The following PHOX2B variants were observed in gnomAD, a reference collection of about 807,000 sequenced individuals.
PHOX2B encodes the protein paired mesoderm homeobox protein 2B.
PHOX2B carries 1 observed loss-of-function variant against 15.5 expected under a neutral mutation model. The observed-to-expected ratio is 0.06, with a 90% CI of 0.02 to 0.31. The LOEUF (loss-of-function observed/expected upper bound fraction) is 0.31, where lower values mean the gene tolerates loss of function less well. PHOX2B is among the 10% of genes least tolerant of loss of function. The pLI is 1.00. For missense variants in PHOX2B, 314 were observed against 436.4 expected (o/e 0.72, Z 2.50); for synonymous variants, 206 against 190.5 (o/e 1.08, Z -0.67).
At position 41,745,067 on chromosome 4, in the gene PHOX2B, CA is replaced by C. The variant is rs1202638379; in HGVS notation, c.*739del. 1.7e-5 allele frequency: 4 copies of C among 232,922 alleles called. No individual in the cohort carries two copies. Among genetic ancestry groups the C allele is most frequent in the Non-Finnish European group, 3.4e-5 (4 of 118,008 alleles). 14.4% of individuals were successfully genotyped at this position (232,922 alleles called of 1,614,324 possible). On this transcript the variant is annotated 3_prime_UTR_variant, in exon 3 of 3. Coordinates refer to ENST00000226382, the MANE Select transcript of PHOX2B (RefSeq NM_003924.4). The surrounding 1 kb of genome is among the most constrained non-coding windows in gnomAD (Gnocchi z 4.0). ...ACTCCGGCCGCCGGGACAGTCTGAGCAAGTCGTCGCCGCAGTGACCCGAACC... is the reference window on the plus strand; with the variant it reads ...ACTCCGGCCGCCGGGACAGTCTGAGCAGTCGTCGCCGCAGTGACCCGAACC...
intron 2 of PHOX2B, 40 bp downstream of exon 2, chr4:41,747,309 C>G (rs560766845): frequency 6.4e-7 from 1 of 1,555,068 alleles, no homozygotes; most frequent in Non-Finnish European, 8.8e-7. Context: ...CCTCCCCGGA[C>G]CAGTGCGGCG....
chr4:41,745,967 C>A lies in PHOX2B; in HGVS notation c.785G>T (p.Gly262Val), dbSNP rs768420488. ...AAAAAAAAAG[G>V]LAAAGGPGQG... ...TCCAGGGCCCCCAGCCGCAGCCAGG[C>A]CTCCAGCTGCCGCCGCTGCCGCTGC... Residue 262 changes from glycine to valine, a missense_variant, in exon 3 of 3, where the codon GGC (glycine) becomes GTC (valine). By Grantham distance (109) the Gly-to-Val change is moderately radical (BLOSUM62 -3). Coordinates refer to ENST00000226382, the MANE Select transcript of PHOX2B (RefSeq NM_003924.4). This position sits in a 1 kb window ranked among gnomAD's most constrained non-coding sequence, Gnocchi z 4.0. 15 of 1,342,912 alleles carry A rather than the reference C, an allele frequency of 1.1e-5. No homozygotes were observed. Among genetic ancestry groups the A allele is most frequent in the Non-Finnish European group, 9.6e-7 (1 of 1,046,042 alleles). The allele number at this position is 1,342,912 out of a possible 1,614,324, so 83.2% of individuals were successfully genotyped here. A position where few individuals can be genotyped will look rare whatever the true frequency, so the allele number is the denominator to read the frequency against.
intron 2 of PHOX2B, among the ~76,000 whole-genome samples, 179 bp from the exon 3 acceptor site, chr4:41,746,501 C>A (rs747191276): frequency 1.3e-5 from 2 of 152,136 alleles, no homozygotes; most frequent in Non-Finnish European, 2.9e-5. Context: ...TATTGCTGTG[C>A]ATTTTCGGAG....
At chr4:41,747,760 C>A (rs1427235376) in intron 1 of PHOX2B, 6 of 690,804 alleles carry the variant, frequency 8.7e-6, no homozygotes, top group Non-Finnish European at 1.6e-5. Context: ...CTGGCACAAG[C>A]GCCTTTGGGT....
chr4:41,746,263 T>C lies in PHOX2B; in HGVS notation c.489A>G (p.Ala163=). The part of the protein sequence containing the change: ...FRKQERAAAA[A]AAAAKNGSSG... ...AGGAGCCGTTCTTGGCCGCGGCCGC[T>C]GCGGCTGCCGCTGCGCGCTCCTGCT... The change falls in exon 3 of 3, where the codon GCA becomes GCG. Residue 163 remains alanine (A), a synonymous_variant. Transcript: ENST00000226382. 1.9e-6 allele frequency: 3 copies of C among 1,611,746 alleles called. No individual in the cohort carries two copies. The highest frequency in any genetic ancestry group is 2.5e-6 in the Non-Finnish European group (3 of 1,179,572).
chr4:41,748,467 C>T lies in PHOX2B; in HGVS notation c.144G>A (p.Arg48=). 1.2e-6 allele frequency: 2 copies of T among 1,614,134 alleles called. No individual in the cohort carries two copies. The highest frequency in any genetic ancestry group is 8.5e-7 in the Non-Finnish European group (1 of 1,180,016). ...AGCCGGACGTGGCCCCAAAAGTGGT[C>T]CTTATCGGGTTATACTGGAAGCCAC... ...QASGFQYNPI[R]TTFGATSGCP... Residue 48 remains arginine (R), a synonymous_variant, in exon 1 of 3, where the codon AGG becomes AGA. Coordinates refer to ENST00000226382, the MANE Select transcript of PHOX2B (RefSeq NM_003924.4).
Position 41,746,196 on chromosome 4 carries a change from C to T in PHOX2B, c.556G>A (p.Glu186Lys), listed in dbSNP as rs1560465720. ...SDSSRDDESK[E>K]AKSTDPDSTG... is the part of the protein sequence containing the mutation. ...CTGTCCGGGTCAGTGCTCTTGGCCT[C>T]TTTGCTCTCGTCGTCCCTGGAAGAG... Residue 186 changes from glutamate to lysine, a missense_variant, in exon 3 of 3, where the codon GAG becomes AAG. This residue lies in a region of PHOX2B where 31 missense variants were observed against 29.6 expected (regional missense o/e 1.05). Coordinates refer to ENST00000226382, the MANE Select transcript of PHOX2B (RefSeq NM_003924.4). The T allele has an allele frequency of 6.2e-7, 1 of 1,613,844 alleles. No individual in the cohort carries two copies. Among genetic ancestry groups the T allele is most frequent in the Non-Finnish European group, 8.5e-7 (1 of 1,179,906 alleles).
intron 1 of PHOX2B, chr4:41,747,844 CA>C: frequency 1.8e-6 from 1 of 570,894 alleles, no homozygotes; most frequent in Non-Finnish European, 3.3e-6. Context: ...GAAAAAAATC[CA>C]AAAACATCAG....
Position 41,746,206 on chromosome 4 carries a change from G to A in PHOX2B, c.546C>T (p.Asp182=). 1.2e-6 allele frequency: 2 copies of A among 1,613,786 alleles called. No individual in the cohort carries two copies. Among genetic ancestry groups the A allele is most frequent in the East Asian group, 2.2e-5 (1 of 44,846 alleles). The stretch of plus-strand genomic sequence containing the variant: ...CAGTGCTCTTGGCCTCTTTGCTCTC[G>A]TCGTCCCTGGAAGAGTCAGACTTTT... The part of the protein sequence containing the change: ...SGKKSDSSRD[D]ESKEAKSTDP... Residue 182 remains aspartate, a synonymous_variant, in exon 3 of 3, where the codon GAC becomes GAT. Transcript: ENST00000226382.
At chr4:41,747,843 C>G in intron 1 of PHOX2B, 1 of 572,742 alleles carries the variant, frequency 1.7e-6, no homozygotes, top group South Asian at 1.6e-5. Context: ...GGAAAAAAAT[C>G]CAAAAACATC....
rs559227588 is a variant in PHOX2B, at chr4:41,748,465, G to T, written c.146C>A (p.Thr49Asn). Residue 49 changes from threonine (T) to asparagine (N), a missense_variant, in exon 1 of 3, where the codon ACC becomes AAC. By Grantham distance (65) the Thr-to-Asn change is moderately conservative. Transcript: ENST00000226382. ...GCAGCCGGACGTGGCCCCAAAAGTG[G>T]TCCTTATCGGGTTATACTGGAAGCC... is the stretch of plus-strand genomic sequence containing the variant. ...ASGFQYNPIR[T>N]TFGATSGCPS... 5.0e-5 allele frequency: 81 copies of T among 1,614,062 alleles called. No homozygotes were observed. Among genetic ancestry groups the T allele is most frequent in the Non-Finnish European group, 6.5e-5 (77 of 1,180,038 alleles).
rs577899103 is a variant in PHOX2B, at chr4:41,745,444, C to G, written c.*363G>C. The G allele has an allele frequency of 2.0e-4, 53 of 265,718 alleles. 2 individuals are homozygous for G. The highest frequency in any genetic ancestry group is 1.0e-3 in the African/African-American group (48 of 46,072). 16.5% of individuals were successfully genotyped at this position (265,718 alleles called of 1,614,324 possible). On this transcript the variant is annotated 3_prime_UTR_variant, in exon 3 of 3. Transcript: ENST00000226382. The surrounding 1 kb of genome is among the most constrained non-coding windows in gnomAD (Gnocchi z 4.0). Reference sequence around the variant, plus strand: ...GCTTGGGCCACAGACACACATTCCCCGAGACAGACACAAACTGACACGCAG... The same window carrying G: ...GCTTGGGCCACAGACACACATTCCCGGAGACAGACACAAACTGACACGCAG...
rs1355806826 is a variant in PHOX2B, at chr4:41,745,937, C to T, written c.815G>A (p.Gly272Asp). The change falls in exon 3 of 3, where the codon GGC becomes GAC. Residue 272 changes from glycine (G) to aspartate (D), a missense_variant. By Grantham distance (94) the Gly-to-Asp change is moderately conservative. Around this residue, in one of 7 missense-constraint regions of PHOX2B, gnomAD observed 157 missense variants for 169.0 expected, o/e 0.93. Transcript: ENST00000226382. The surrounding 1 kb of genome is among the most constrained non-coding windows in gnomAD (Gnocchi z 4.0). ...GATGGGGCCGGGGCCGGGAGCCCAGCCTTGTCCAGGGCCCCCAGCCGCAGC... is the reference window on the plus strand; with the variant it reads ...GATGGGGCCGGGGCCGGGAGCCCAGTCTTGTCCAGGGCCCCCAGCCGCAGC... ...GLAAAGGPGQ[G>D]WAPGPGPITS... The T allele has an allele frequency of 6.3e-7, 1 of 1,575,782 alleles. No homozygotes were observed. The highest frequency in any genetic ancestry group is 8.6e-7 in the Non-Finnish European group (1 of 1,162,972).
In PHOX2B at chr4:41,745,503, C is replaced by G. The variant is rs1387229577; in HGVS notation, c.*304G>C. The G allele has an allele frequency of 8.1e-6, 3 of 369,688 alleles. No individual in the cohort carries two copies. The highest frequency in any genetic ancestry group is 5.0e-5 in the East Asian group (1 of 20,004). The allele number at this position is 369,688 out of a possible 1,614,324, so 22.9% of individuals were successfully genotyped here. A position where few individuals can be genotyped will look rare whatever the true frequency, so the allele number is the denominator to read the frequency against. ...CCCTGAGAGTGCCCCGCGTCCAGGC[C>G]GCGCTGCTCACAACCCCCGATCAGC... On this transcript the variant is annotated 3_prime_UTR_variant, in exon 3 of 3. Coordinates refer to ENST00000226382, the MANE Select transcript of PHOX2B (RefSeq NM_003924.4). This position sits in a 1 kb window ranked among gnomAD's most constrained non-coding sequence, Gnocchi z 4.0.
Position 41,745,650 on chromosome 4 carries a change from T to C in PHOX2B, c.*157A>G. 1 of 887,006 alleles carries C rather than the reference T, an allele frequency of 1.1e-6. No individual in the cohort carries two copies. The highest frequency in any genetic ancestry group is 1.6e-6 in the Non-Finnish European group (1 of 615,728). The allele number at this position is 887,006 out of a possible 1,614,324, so 54.9% of individuals were successfully genotyped here. On this transcript the variant is annotated 3_prime_UTR_variant, in exon 3 of 3. Transcript: ENST00000226382. The surrounding 1 kb of genome is among the most constrained non-coding windows in gnomAD (Gnocchi z 4.0). ...GGGTTGAAATGAGGGCGACGCCGTT[T>C]TCCCTTTATTCTTAGCGCGATTACT...
intron 2 of PHOX2B, among the ~76,000 whole-genome samples, chr4:41,747,114 C>G (rs1026685473): frequency 3.1e-4 from 47 of 152,176 alleles, no homozygotes; most frequent in African/African-American, 1.1e-3. Context: ...CAAGGCCCCC[C>G]ATGTCTCTGC....
At chr4:41,747,316 G>A in intron 2 of PHOX2B, 33 bp downstream of exon 2, 1 of 1,574,384 alleles carries the variant, frequency 6.4e-7, no homozygotes. Flanking sequence ...GGACCAGTGC[G>A]GCGGAGCGGG....
rs79036201 is a variant in PHOX2B at position 41,746,543 on chromosome 4, G to A, written c.430-221C>T. ...TCTTAGGGGGAGTGAGCACGCCAGG[G>A]ACATGAAGGCTTGCGGCAGAGTTTA... On this transcript the variant is annotated intron_variant, in intron 2 of 2. Coordinates refer to ENST00000226382, the MANE Select transcript of PHOX2B (RefSeq NM_003924.4). 3.9e-4 allele frequency among the ~76,000 whole-genome samples: 59 copies of A among 152,256 alleles called. 1 individual carries two copies. In the East Asian group the frequency reaches 0.01, roughly 27 times the overall value.
chr4:41,745,590 G>A lies in PHOX2B; in HGVS notation c.*217C>T, dbSNP rs1214212707. 1.8e-6 allele frequency: 1 copy of A among 552,300 alleles called. No homozygotes were observed. The highest frequency in any genetic ancestry group is 3.0e-6 in the Non-Finnish European group (1 of 330,562). 34.2% of individuals were successfully genotyped at this position (552,300 alleles called of 1,614,324 possible). Reference sequence around the variant, plus strand: ...GGTGCGAAGCCAGGGAAGTTTGTTTGTTTTGTTTGGGGGTTGAGGAAGGGG... The same window carrying A: ...GGTGCGAAGCCAGGGAAGTTTGTTTATTTTGTTTGGGGGTTGAGGAAGGGG... On this transcript the variant is annotated 3_prime_UTR_variant, in exon 3 of 3. Coordinates refer to ENST00000226382, the MANE Select transcript of PHOX2B (RefSeq NM_003924.4). The surrounding 1 kb of genome is among the most constrained non-coding windows in gnomAD (Gnocchi z 4.0).
Sources: gnomAD v4.1 joint callset for allele counts (sites outside exome capture counted in the v4.1 genomes callset) on GRCh38, gnomAD v4.1.1 for gene constraint, gnomAD v4.1.1 regional missense constraint, Gnocchi (gnomAD v3.1) non-coding constraint, MANE v1.5 for transcripts, NCBI Gene and HGNC (gene_info 2026-07-23, HGNC 2026-07-21) for gene names.